ADAMTS12: variants seen among roughly 807,000 people sequenced by gnomAD.
The protein encoded by ADAMTS12 is ADAM metallopeptidase with thrombospondin type 1 motif 12, also known as A disintegrin and metalloproteinase with thrombospondin motifs 12.
ADAMTS12 carries 118 observed loss-of-function variants against 167.8 expected under a neutral mutation model. That is an observed-to-expected ratio of 0.70 (90% CI 0.61 to 0.82). The LOEUF (loss-of-function observed/expected upper bound fraction) is 0.82, where lower values mean the gene tolerates loss of function less well. Among genes scored for constraint, ADAMTS12 ranks in the 40% least tolerant of loss-of-function variants. The pLI, the probability that ADAMTS12 is intolerant of heterozygous loss-of-function variation, is 0.00. For synonymous variants in ADAMTS12, 704 were observed against 716.9 expected, an observed-to-expected ratio of 0.98 and a Z score of 0.29; for missense variants, 1,916 against 1,998.8, an observed-to-expected ratio of 0.96 and a Z score of 0.79.
chr5:33,852,208 A>G (rs757822559), intron 2 of ADAMTS12, among the ~76,000 whole-genome samples: 1 of 152,084 alleles, frequency 6.6e-6, no homozygotes, highest in Non-Finnish European at 1.5e-5. Flanking sequence ...GGTAAACAGA[A>G]AAAAAAAGTC....
chr5:33,710,684 C>T (rs934168718), intron 3 of ADAMTS12, among the ~76,000 whole-genome samples: 1 of 152,152 alleles, frequency 6.6e-6, no homozygotes, highest in South Asian at 2.1e-4. Flanking sequence ...CTGTGGAAGA[C>T]ACGAACAGAC....
chr5:33,720,284 T>TCA (rs3071626), intron 3 of ADAMTS12, among the ~76,000 whole-genome samples: 5,665 of 147,832 alleles, frequency 0.038, 133 homozygotes, highest in Admixed American at 0.042. Flanking sequence ...TCTCTCTCAC[T>TCA]CACACACACA....
At chr5:33,639,947 C>G (rs1043757387) in intron 11 of ADAMTS12, among the ~76,000 whole-genome samples, 29 of 152,092 alleles carry the variant, frequency 1.9e-4, no homozygotes, top group African/African-American at 7.0e-4. Flanking sequence ...TAGGAGGTAC[C>G]AAGAATTGTC....
chr5:33,627,867 T>C (rs1375437900), intron 13 of ADAMTS12, among the ~76,000 whole-genome samples: 1 of 151,870 alleles, frequency 6.6e-6, no homozygotes, highest in African/African-American at 2.4e-5. Flanking sequence ...GAGAAATGAG[T>C]GAGGAAGCTA....
In ADAMTS12 at chr5:33,641,762, G is replaced by T. The variant is rs189591985; in HGVS notation, c.1718+48C>A. ...GCCATTCAAGACTGCCCCCCATCCCGCCCCCAGCACATGTGGAGAGAAGGG... is the reference window on the plus strand; with the variant it reads ...GCCATTCAAGACTGCCCCCCATCCCTCCCCCAGCACATGTGGAGAGAAGGG... On this transcript the variant is annotated intron_variant, in intron 11 of 23. Transcript: ENST00000504830. 8.8e-6 allele frequency: 13 copies of T among 1,480,704 alleles called. No homozygotes were observed. In the African/African-American group the frequency reaches 1.4e-4, roughly 16 times the overall value. The allele number at this position is 1,480,704 out of a possible 1,614,324, so 91.7% of individuals were successfully genotyped here. A position where few individuals can be genotyped will look rare whatever the true frequency, so the allele number is the denominator to read the frequency against.
At chr5:33,680,322 G>A (rs925515394) in intron 5 of ADAMTS12, among the ~76,000 whole-genome samples, 2 of 152,094 alleles carry the variant, frequency 1.3e-5, no homozygotes, top group East Asian at 1.9e-4. Flanking sequence ...GAGATGCCCT[G>A]GTGACATTAT....
chr5:33,610,513 A>G (rs1291843272), intron 16 of ADAMTS12, among the ~76,000 whole-genome samples: 2 of 152,178 alleles, frequency 1.3e-5, no homozygotes, highest in African/African-American at 2.4e-5. Context: ...TTAACATTTC[A>G]TTGTTTCCCT....
At chr5:33,851,164 G>A (rs1209050140) in intron 2 of ADAMTS12, among the ~76,000 whole-genome samples, 1 of 152,204 alleles carries the variant, frequency 6.6e-6, no homozygotes, top group East Asian at 1.9e-4. Context: ...TGTAATCCCA[G>A]CACTTTGGGA....
chr5:33,796,463 TATAGG>T (rs1746781710), intron 2 of ADAMTS12, among the ~76,000 whole-genome samples: 1 of 152,246 alleles, frequency 6.6e-6, no homozygotes, highest in African/African-American at 2.4e-5. Context: ...TGTATATTAA[TATAGG>T]TATGTAGCAT....
In ADAMTS12 at chr5:33,658,351, A is replaced by G. The variant is rs1741135396; in HGVS notation, c.1041-18T>C. 14 of 1,611,816 alleles carry G rather than the reference A, an allele frequency of 8.7e-6. No individual in the cohort carries two copies. Among genetic ancestry groups the G allele is most frequent in the Non-Finnish European group, 1.1e-5 (13 of 1,178,516 alleles). On this transcript the variant is annotated intron_variant, in intron 6 of 23. Transcript: ENST00000504830. ...TGTCCTTTCTGAAAGCAGAGAATAC[A>G]GAAGCTAAGGCGCCCAAAGGAACAT...
At chr5:33,816,469 C>CCCCTT (rs959497327) in intron 2 of ADAMTS12, among the ~76,000 whole-genome samples, 5 of 152,176 alleles carry the variant, frequency 3.3e-5, no homozygotes, top group African/African-American at 1.2e-4. Flanking sequence ...CCATCATCTC[C>CCCCTT]CCCTTCCCTT....
chr5:33,847,480 G>A (rs962891011), intron 2 of ADAMTS12, among the ~76,000 whole-genome samples: 11 of 152,006 alleles, frequency 7.2e-5, no homozygotes, highest in South Asian at 4.1e-4. Context: ...AAAATTAGCC[G>A]GGCAAGGTGG....
At chr5:33,749,642 T>C (rs1468667865) in intron 3 of ADAMTS12, among the ~76,000 whole-genome samples, 4 of 152,268 alleles carry the variant, frequency 2.6e-5, no homozygotes, top group Admixed American at 2.0e-4. Context: ...AAAGATTGTA[T>C]GGCATTAATC....
At chr5:33,625,636 A>G (rs544623095) in intron 13 of ADAMTS12, among the ~76,000 whole-genome samples, 5 of 152,328 alleles carry the variant, frequency 3.3e-5, no homozygotes, top group East Asian at 3.9e-4. Flanking sequence ...CTGAAGCCCA[A>G]GTCTTTTTTC....
chr5:33,543,805 T>A (rs959971294), intron 22 of ADAMTS12, among the ~76,000 whole-genome samples: 4 of 152,130 alleles, frequency 2.6e-5, no homozygotes, highest in Non-Finnish European at 5.9e-5. Flanking sequence ...TCAACAAAAT[T>A]CAACACCCCT....
At chr5:33,765,894 G>C (rs1745513232) in intron 2 of ADAMTS12, among the ~76,000 whole-genome samples, 1 of 152,128 alleles carries the variant, frequency 6.6e-6, no homozygotes, top group Non-Finnish European at 1.5e-5. Flanking sequence ...ATGTGATTAA[G>C]TGCTCACTGT....
At chr5:33,596,597 C>T (rs1737894377) in intron 16 of ADAMTS12, among the ~76,000 whole-genome samples, 1 of 151,976 alleles carries the variant, frequency 6.6e-6, no homozygotes. Context: ...CAGGAGAATC[C>T]CTTGAACCCA....
intron 2 of ADAMTS12, among the ~76,000 whole-genome samples, chr5:33,835,937 CTCTCTCTCTCTCTCTCTGTGTG>C (rs1402225604): frequency 7.0e-5 from 7 of 99,706 alleles, no homozygotes; most frequent in African/African-American, 1.8e-4. Flanking sequence ...CTCTCTCTCT[CTCTCTCTCTCTCTCTCTGTGTG>C]TGTGTGTGTG....
chr5:33,567,007 C>G (rs1347825959), intron 19 of ADAMTS12, among the ~76,000 whole-genome samples: 6 of 152,220 alleles, frequency 3.9e-5, no homozygotes, highest in Admixed American at 3.9e-4. Flanking sequence ...ACCATCAGCA[C>G]TGCAGACTGG....
Sources: allele counts gnomAD v4.1 joint callset (sites outside exome capture counted in the v4.1 genomes callset), GRCh38; gene constraint gnomAD v4.1.1; transcripts MANE v1.5; gene names NCBI Gene and HGNC (gene_info 2026-07-23, HGNC 2026-07-21).